TANC1: variants seen among roughly 807,000 people sequenced by gnomAD.
The protein encoded by TANC1 is tetratricopeptide repeat, ankyrin repeat and coiled-coil containing 1.
In TANC1, 77 loss-of-function variants were observed where a neutral mutation model predicts 149.7. The ratio of observed to expected loss-of-function variants is 0.51; its 90% CI spans 0.43 to 0.62. The LOEUF (loss-of-function observed/expected upper bound fraction) is 0.62, where lower values mean the gene tolerates loss of function less well. Ranked by LOEUF, TANC1 falls within the 20% of genes least tolerant of loss-of-function variation. TANC1 has a pLI of 0.00. For synonymous variants in TANC1, 854 were observed against 925.0 expected (o/e 0.92, Z 1.39); for missense variants, 1,985 against 2,321.8 (o/e 0.85, Z 2.98).
At chr2:159,135,429 C>CA (rs2150193896) in intron 4 of TANC1, among the ~76,000 whole-genome samples, 1 of 152,374 alleles carries the variant, frequency 6.6e-6, no homozygotes, top group South Asian at 2.1e-4. Flanking sequence ...AGTAGAACTG[C>CA]AGGGCCATGT....
At chr2:159,126,731 C>A (rs1354217043) in intron 4 of TANC1, among the ~76,000 whole-genome samples, 1 of 152,212 alleles carries the variant, frequency 6.6e-6, no homozygotes, top group Admixed American at 6.5e-5. Flanking sequence ...TGGCTTACAG[C>A]CACTGGACAT....
chr2:159,019,314 T>C (rs756048740), intron 2 of TANC1, among the ~76,000 whole-genome samples: 1 of 152,198 alleles, frequency 6.6e-6, no homozygotes, highest in Non-Finnish European at 1.5e-5. Flanking sequence ...GTGATGGGAA[T>C]AGAGATTCTG....
chr2:159,227,219 G>A (rs1031265321), intron 24 of TANC1: 6 of 152,224 alleles, frequency 3.9e-5, no homozygotes, highest in Non-Finnish European at 7.3e-5. Context: ...AGGCAATTAT[G>A]TCAGAAATAG....
chr2:159,010,289 C>T (rs2149372196), intron 2 of TANC1, among the ~76,000 whole-genome samples: 1 of 152,188 alleles, frequency 6.6e-6, no homozygotes, highest in South Asian at 2.1e-4. Flanking sequence ...TAATTAGTTG[C>T]ATTTGTGGCT....
intron 3 of TANC1, among the ~76,000 whole-genome samples, chr2:159,092,998 C>A (rs917399392): frequency 2.0e-5 from 3 of 152,100 alleles, no homozygotes; most frequent in African/African-American, 7.2e-5. Flanking sequence ...CCCCAGTCTC[C>A]CATCTGAGAC....
In TANC1 at chr2:159,170,708, T is replaced by C; in HGVS notation, c.1254T>C (p.Phe418=). The C allele has an allele frequency of 6.2e-7, 1 of 1,614,116 alleles. No homozygotes were observed. Residue 418 remains phenylalanine, a synonymous_variant, in exon 10 of 27, where the codon TTT becomes TTC. Transcript: ENST00000263635. ...CGGTGGTGGTTGGCAATGTGGGATT[T>C]GGGAAGACGGCAATCATTTCCAAGT... The part of the protein sequence containing the change: ...RGAVVVGNVG[F]GKTAIISKLV...
At chr2:159,215,852 C>T (rs9287783) in intron 19 of TANC1, among the ~76,000 whole-genome samples, 79,381 of 151,724 alleles carry the variant, frequency 0.52, 21,853 homozygotes, top group East Asian at 0.86. Flanking sequence ...GGTGTTTATT[C>T]TTGTAGACAT....
chr2:159,127,601 C>T (rs1356097623), intron 4 of TANC1, among the ~76,000 whole-genome samples: 3 of 152,224 alleles, frequency 2.0e-5, no homozygotes, highest in Non-Finnish European at 2.9e-5. Flanking sequence ...TACATATACA[C>T]CATAGAATAC....
intron 2 of TANC1, chr2:159,004,372 T>G: frequency 6.7e-7 from 1 of 1,499,098 alleles, no homozygotes; most frequent in Non-Finnish European, 9.3e-7. Flanking sequence ...AAATCAGCTA[T>G]GTGGTTCCAA....
intron 16 of TANC1, among the ~76,000 whole-genome samples, chr2:159,189,952 C>T (rs561422577): frequency 2.0e-5 from 3 of 152,138 alleles, no homozygotes; most frequent in East Asian, 1.9e-4. Flanking sequence ...AGCATTACAC[C>T]GACAAAGGAA....
chr2:159,045,858 A>T (rs1359501147), intron 2 of TANC1, among the ~76,000 whole-genome samples: 1 of 152,200 alleles, frequency 6.6e-6, no homozygotes, highest in Non-Finnish European at 1.5e-5. Context: ...ATTTTCTATG[A>T]TGCTAACATG....
At chr2:159,199,915 G>A (rs988436814) in intron 19 of TANC1, among the ~76,000 whole-genome samples, 5 of 152,150 alleles carry the variant, frequency 3.3e-5, no homozygotes, top group Non-Finnish European at 5.9e-5. Context: ...TCACCTTCTG[G>A]CAGGAGTGCA....
intron 14 of TANC1, among the ~76,000 whole-genome samples, chr2:159,179,778 T>A (rs1201714735): frequency 2.0e-5 from 3 of 152,204 alleles, no homozygotes; most frequent in Non-Finnish European, 4.4e-5. Flanking sequence ...CCTGGGCCGC[T>A]GTTATCACAG....
intron 3 of TANC1, among the ~76,000 whole-genome samples, chr2:159,084,472 A>G (rs2044630647): frequency 1.3e-5 from 2 of 152,166 alleles, no homozygotes; most frequent in Admixed American, 1.3e-4. Flanking sequence ...TTCCCCCAAA[A>G]TGATCCCGTT....
At chr2:159,116,254 G>A (rs865913753) in intron 4 of TANC1, among the ~76,000 whole-genome samples, 2 of 151,970 alleles carry the variant, frequency 1.3e-5, no homozygotes, top group Admixed American at 1.3e-4. Context: ...GTGAAACCCC[G>A]TCTCTACTAA....
chr2:159,218,500 G>T (rs1014171653), intron 20 of TANC1, among the ~76,000 whole-genome samples: 4 of 152,224 alleles, frequency 2.6e-5, no homozygotes, highest in African/African-American at 9.6e-5. Context: ...GGATAAACGA[G>T]CAAGAAGGCA....
chr2:159,019,667 T>G lies in TANC1; in HGVS notation c.-16+18478T>G, dbSNP rs1377419769. Reference sequence around the variant, plus strand: ...GCTTTCTTTCTGTTTTTTTTTTTTTTTTTTTTTTTTTTTTTTTTTGAGGCA... The same window carrying G: ...GCTTTCTTTCTGTTTTTTTTTTTTTGTTTTTTTTTTTTTTTTTTTGAGGCA... On this transcript the variant is annotated intron_variant, in intron 2 of 26. Transcript: ENST00000263635. 1.4e-4 allele frequency among the ~76,000 whole-genome samples: 9 copies of G among 65,412 alleles called. No homozygotes were observed. In the East Asian group the frequency reaches 3.2e-3, roughly 23 times the overall value. The allele number at this position is 65,412 out of a possible 152,430, so 42.9% of individuals were successfully genotyped here.
intron 12 of TANC1, 23 bp from the exon 13 acceptor site, chr2:159,176,329 G>GA (rs773999791): frequency 7.2e-7 from 1 of 1,383,840 alleles, no homozygotes; most frequent in Non-Finnish European, 9.8e-7. Flanking sequence ...TTCTTAATTT[G>GA]AAAAAATTAT....
intron 4 of TANC1, among the ~76,000 whole-genome samples, chr2:159,124,843 G>T (rs183591031): frequency 1.3e-5 from 2 of 148,696 alleles, no homozygotes; most frequent in African/African-American, 5.0e-5. Flanking sequence ...TGATCCTCCC[G>T]CCTCAGCTCT....
Sources: allele counts gnomAD v4.1 joint callset (sites outside exome capture counted in the v4.1 genomes callset), GRCh38; gene constraint gnomAD v4.1.1; transcripts MANE v1.5; gene names NCBI Gene and HGNC (gene_info 2026-07-23, HGNC 2026-07-21).